The following CTNNA1 variants were observed in gnomAD, a reference collection of about 807,000 sequenced individuals.
CTNNA1 encodes catenin alpha 1.
In CTNNA1, 37 loss-of-function variants were observed where a neutral mutation model predicts 98.4. The ratio of observed to expected loss-of-function variants is 0.38; its 90% confidence interval spans 0.29 to 0.49. The LOEUF (loss-of-function observed/expected upper bound fraction) is 0.49. CTNNA1 is among the 20% of genes least tolerant of loss of function. CTNNA1 has a pLI of 0.95. For missense variants in CTNNA1, 761 were observed against 1,147.2 expected (o/e 0.66, Z 4.86); for synonymous variants, 404 against 413.2 (o/e 0.98, Z 0.27).
At chr5:138,886,075 C>A (rs2150022805) in intron 7 of CTNNA1, 137 bp from the exon 8 acceptor site, 1 of 850,640 alleles carries the variant, frequency 1.2e-6, no homozygotes, top group Non-Finnish European at 1.7e-6. Context: ...CACCCCTCTG[C>A]TCCCCAGTAT....
intron 17 of CTNNA1, 115 bp from the exon 18 acceptor site, chr5:138,933,687 G>C: frequency 9.1e-7 from 1 of 1,095,738 alleles, no homozygotes; most frequent in Non-Finnish European, 1.3e-6. Context: ...TCTGCGACCT[G>C]CCCAGGCCCT....
chr5:138,875,424 T>C, intron 7 of CTNNA1: 1 of 985,848 alleles, frequency 1.0e-6, no homozygotes, highest in Non-Finnish European at 1.2e-6. Context: ...TTCCAGAAGC[T>C]TTACTGTTAT....
intron 3 of CTNNA1, among the ~76,000 whole-genome samples, chr5:138,800,341 AATTT>A (rs1405384803): frequency 6.6e-6 from 1 of 152,254 alleles, no homozygotes; most frequent in Non-Finnish European, 1.5e-5. Flanking sequence ...ATTATATGAC[AATTT>A]AAAGCAAAAG....
chr5:138,755,128 G>GAC (rs1013849422), intron 1 of CTNNA1: 3 of 151,954 alleles, frequency 2.0e-5, no homozygotes, highest in Non-Finnish European at 2.9e-5. Context: ...TAATAGGGGA[G>GAC]ACACACACCC....
chr5:138,889,883 A>T (rs894860122), intron 9 of CTNNA1, among the ~76,000 whole-genome samples: 42 of 152,206 alleles, frequency 2.8e-4, no homozygotes, highest in Admixed American at 2.7e-3. Context: ...AAATTTTTAA[A>T]GTGTTGTAGA....
At chr5:138,901,907 C>T (rs757018241) in intron 9 of CTNNA1, among the ~76,000 whole-genome samples, 1 of 152,188 alleles carries the variant, frequency 6.6e-6, no homozygotes, top group Non-Finnish European at 1.5e-5. Flanking sequence ...TGCATTTGCA[C>T]ATTTGTCATT....
At chr5:138,827,372 C>A in intron 6 of CTNNA1, 143 bp from the exon 7 acceptor site, 1 of 884,060 alleles carries the variant, frequency 1.1e-6, no homozygotes, top group South Asian at 1.6e-5. Context: ...TGGGACAGCC[C>A]CTTACCTGCT....
intron 1 of CTNNA1, among the ~76,000 whole-genome samples, chr5:138,759,861 A>T (rs1042433507): frequency 3.3e-5 from 5 of 151,950 alleles, no homozygotes; most frequent in African/African-American, 1.2e-4. Context: ...TTTCTTCAAC[A>T]GTCCCCAGAA....
intron 10 of CTNNA1, among the ~76,000 whole-genome samples, chr5:138,914,718 A>C (rs771712967): frequency 6.6e-6 from 1 of 151,942 alleles, no homozygotes; most frequent in Non-Finnish European, 1.5e-5. Context: ...ATAAATTGGG[A>C]ATTACACCCA....
At chr5:138,776,390 C>T (rs1754173621) in intron 1 of CTNNA1, among the ~76,000 whole-genome samples, 1 of 152,184 alleles carries the variant, frequency 6.6e-6, no homozygotes, top group South Asian at 2.1e-4. Context: ...GATCACAAGG[C>T]AGAATAATTT....
intron 5 of CTNNA1, among the ~76,000 whole-genome samples, chr5:138,814,753 T>G (rs72788845): frequency 3.4e-3 from 514 of 150,106 alleles, no homozygotes; most frequent in Middle Eastern, 0.014. Flanking sequence ...AATAGATGGG[T>G]TTTTTTTTGT....
In CTNNA1 at chr5:138,874,091, C is replaced by T; in HGVS notation, c.1063-12121C>T. On this transcript the variant is annotated intron_variant, in intron 7 of 17. Coordinates refer to ENST00000302763, the MANE Select transcript of CTNNA1 (RefSeq NM_001903.5). The surrounding 1 kb of genome is among the most constrained non-coding windows in gnomAD (Gnocchi z 4.1). ...ACGTAAATGCAAGGTCTGCAGCTTC[C>T]GAAGGCCATAGAAGAGCTCTGGGTG... The T allele has an allele frequency of 6.2e-7, 1 of 1,613,814 alleles. No individual in the cohort carries two copies. The highest frequency in any genetic ancestry group is 8.5e-7 in the Non-Finnish European group (1 of 1,179,778).
At chr5:138,866,611 G>A (rs934266022) in intron 7 of CTNNA1, among the ~76,000 whole-genome samples, 2 of 152,126 alleles carry the variant, frequency 1.3e-5, no homozygotes, top group Admixed American at 6.5e-5. Context: ...TTCCTGACTT[G>A]GAGGCATTGG....
Position 138,762,559 on chromosome 5 carries a change from T to C in CTNNA1, c.-3+9049T>C, listed in dbSNP as rs555942889. Among the ~76,000 whole-genome samples, 4 of 152,280 alleles carry C rather than the reference T, an allele frequency of 2.6e-5. No individual in the cohort carries two copies. The East Asian group carries it at 7.7e-4, about 29-fold the overall frequency. ...GCCACAACTCCATTTCTAATGGAGC[T>C]TGAAATTAGCATGTATTTCCACTTA... On this transcript the variant is annotated intron_variant, in intron 1 of 17. Transcript: ENST00000302763.
chr5:138,803,323 T>A (rs1581077516), intron 3 of CTNNA1, among the ~76,000 whole-genome samples: 1 of 152,138 alleles, frequency 6.6e-6, no homozygotes, highest in Non-Finnish European at 1.5e-5. Flanking sequence ...CTGGCTAATT[T>A]TTCTTTATTA....
intron 1 of CTNNA1, among the ~76,000 whole-genome samples, chr5:138,759,502 G>A (rs1032924037): frequency 2.0e-5 from 3 of 152,212 alleles, no homozygotes; most frequent in African/African-American, 7.2e-5. Context: ...GTAGGGAGGT[G>A]GGGGCCCTTG....
In CTNNA1 at chr5:138,892,285, G is replaced by GA. The variant is rs909041875; in HGVS notation, c.1296+4648dup. On this transcript the variant is annotated intron_variant, in intron 9 of 17. Transcript: ENST00000302763. ...TTACATATTTTCAGGATGTGATATA[G>GA]AAAAAGAATATAAAATATGGAAAAA... Among the ~76,000 whole-genome samples, 4 of 132,034 alleles carry GA rather than the reference G, an allele frequency of 3.0e-5. No homozygotes were observed. The Admixed American group carries it at 3.3e-4, about 11-fold the overall frequency. The allele number at this position is 132,034 out of a possible 152,430, so 86.6% of individuals were successfully genotyped here.
chr5:138,811,335 C>T (rs1360576258), intron 4 of CTNNA1, among the ~76,000 whole-genome samples: 17 of 135,316 alleles, frequency 1.3e-4, no homozygotes, highest in African/African-American at 2.7e-4. Context: ...CGGGCAGAGA[C>T]GCTCCTCACT....
intron 3 of CTNNA1, among the ~76,000 whole-genome samples, chr5:138,798,765 T>G (rs1757235659): frequency 6.6e-6 from 1 of 152,180 alleles, no homozygotes; most frequent in African/African-American, 2.4e-5. Flanking sequence ...TCATGGCAGA[T>G]GGTACAGTAG....
Sources: allele counts gnomAD v4.1 joint callset (sites outside exome capture counted in the v4.1 genomes callset), GRCh38; gene constraint gnomAD v4.1.1; non-coding constraint Gnocchi (gnomAD v3.1); transcripts MANE v1.5; gene names NCBI Gene and HGNC (gene_info 2026-07-23, HGNC 2026-07-21).